CERT1: variants seen among roughly 807,000 people sequenced by gnomAD.
CERT1 encodes ceramide transfer protein.
A neutral mutation model predicts 87.9 loss-of-function variants in CERT1; 31 were observed. That is an observed-to-expected ratio of 0.35 (90% CI 0.27 to 0.48). The LOEUF (loss-of-function observed/expected upper bound fraction) is 0.48. Ranked by LOEUF, CERT1 falls within the 20% of genes least tolerant of loss-of-function variation. CERT1 has a pLI of 0.99. For synonymous variants in CERT1, 289 were observed against 250.9 expected (o/e 1.15, Z -1.44); for missense variants, 487 against 758.0 (o/e 0.64, Z 4.20).
intron 2 of CERT1, among the ~76,000 whole-genome samples, chr5:75,462,539 G>T (rs772115924): frequency 1.1e-4 from 16 of 152,156 alleles, no homozygotes; most frequent in Non-Finnish European, 2.2e-4. Flanking sequence ...AACAGGCCAT[G>T]GACTGGTACT....
chr5:75,383,412 T>G (rs532460221), intron 14 of CERT1, among the ~76,000 whole-genome samples: 1 of 152,280 alleles, frequency 6.6e-6, no homozygotes, highest in African/African-American at 2.4e-5. Flanking sequence ...TTTTCCATGA[T>G]GGATTATTTT....
At chr5:75,475,035 A>G (rs1009543956) in intron 2 of CERT1, among the ~76,000 whole-genome samples, 2 of 152,088 alleles carry the variant, frequency 1.3e-5, no homozygotes, top group African/African-American at 4.8e-5. Context: ...CATACATGGT[A>G]TGATACTGGG....
intron 8 of CERT1, among the ~76,000 whole-genome samples, chr5:75,408,833 AT>A (rs1762815860): frequency 6.6e-6 from 1 of 152,198 alleles, no homozygotes; most frequent in African/African-American, 2.4e-5. Context: ...AAAATGCTCA[AT>A]TACATACATA....
rs540164024 is a variant in CERT1, at chr5:75,396,740, A to C, written c.1188+2570T>G. On this transcript the variant is annotated intron_variant, in intron 11 of 16. Transcript: ENST00000643780. ...GCGAAACTCCGTCTCAAAAAAAAAA[A>C]AAAAACAAAAAACAGAAAAGACCGA... Among the ~76,000 whole-genome samples, 97 of 142,318 alleles carry C rather than the reference A, an allele frequency of 6.8e-4. 1 individual carries two copies. The highest frequency in any genetic ancestry group is 3.7e-3 in the Middle Eastern group (1 of 270). The allele number at this position is 142,318 out of a possible 152,430, so 93.4% of individuals were successfully genotyped here. A position where few individuals can be genotyped will look rare whatever the true frequency, so the allele number is the denominator to read the frequency against.
intron 12 of CERT1, among the ~76,000 whole-genome samples, chr5:75,388,638 A>ATATATATATATC (rs1554034746): frequency 1.9e-5 from 2 of 107,568 alleles, no homozygotes; most frequent in East Asian, 2.8e-4. Context: ...ATATATATAT[A>ATATATATATATC]TATCTCACAC....
In CERT1 at chr5:75,476,013, A is replaced by T. The variant is rs547612146; in HGVS notation, c.232-16832T>A. On this transcript the variant is annotated intron_variant, in intron 2 of 16. Transcript: ENST00000643780. Reference sequence around the variant, plus strand: ...CACTCAAATGTCAGTTATATGCTTTAAAAAACCTATTTTTTATTCAATAAA... The same window carrying T: ...CACTCAAATGTCAGTTATATGCTTTTAAAAACCTATTTTTTATTCAATAAA... 7.3e-4 allele frequency among the ~76,000 whole-genome samples: 111 copies of T among 152,342 alleles called. 1 individual carries two copies. The highest frequency in any genetic ancestry group is 3.4e-3 in the Admixed American group (52 of 15,300).
intron 3 of CERT1, among the ~76,000 whole-genome samples, chr5:75,426,848 A>G (rs918726197): frequency 1.3e-5 from 2 of 152,244 alleles, no homozygotes; most frequent in African/African-American, 4.8e-5. Flanking sequence ...AAAGCTCTGA[A>G]GATGGATGAT....
chr5:75,505,958 G>A (rs757621217), intron 2 of CERT1, 24 bp downstream of exon 2: 38 of 1,596,922 alleles, frequency 2.4e-5, no homozygotes, highest in Non-Finnish European at 3.1e-5. Context: ...AATATTTGTT[G>A]AATGAAGAAG....
chr5:75,438,967 A>C (rs1561264039), intron 3 of CERT1, among the ~76,000 whole-genome samples: 1 of 151,480 alleles, frequency 6.6e-6, no homozygotes. Flanking sequence ...ACATGTTTTT[A>C]AATTAACAAT....
intron 2 of CERT1, among the ~76,000 whole-genome samples, chr5:75,488,902 C>T (rs1580843871): frequency 1.3e-5 from 2 of 151,960 alleles, no homozygotes; most frequent in East Asian, 1.9e-4. Context: ...TAAATAAAGC[C>T]TCATTAAAGA....
chr5:75,431,262 G>A (rs1362191258), intron 3 of CERT1, among the ~76,000 whole-genome samples: 1 of 152,018 alleles, frequency 6.6e-6, no homozygotes, highest in Non-Finnish European at 1.5e-5. Context: ...CCCTCTTTGT[G>A]TCCATATGTA....
In CERT1 at chr5:75,464,582, T is replaced by A. The variant is rs552045899; in HGVS notation, c.232-5401A>T. Among the ~76,000 whole-genome samples the A allele has an allele frequency of 2.0e-5, 3 of 152,002 alleles. No individual in the cohort carries two copies. The East Asian group carries it at 5.8e-4, about 29-fold the overall frequency. On this transcript the variant is annotated intron_variant, in intron 2 of 16. Coordinates refer to ENST00000643780, the MANE Select transcript of CERT1 (RefSeq NM_001379029.1). ...GGTCTGGTAAAGACTTGAGCAGTGT[T>A]TTTTGTTTGTTTTTTGGACACAGCG...
rs77516120 is a variant in CERT1, at chr5:75,427,180, C to T, written c.349-702G>A. On this transcript the variant is annotated intron_variant, in intron 3 of 16. Transcript: ENST00000643780. Reference sequence around the variant, plus strand: ...TCAGAGCATAAATTTTATATCTTACCTTCTCTAATACAAATGCAATATAAC... The same window carrying T: ...TCAGAGCATAAATTTTATATCTTACTTTCTCTAATACAAATGCAATATAAC... 4.3e-3 allele frequency among the ~76,000 whole-genome samples: 656 copies of T among 152,260 alleles called. 1 individual carries two copies. Among genetic ancestry groups the T allele is most frequent in the Middle Eastern group, 0.014 (4 of 294 alleles).
At chr5:75,379,551 GTT>G in intron 16 of CERT1, 78 bp from the exon 17 acceptor site, 1 of 1,328,764 alleles carries the variant, frequency 7.5e-7, no homozygotes, top group South Asian at 1.3e-5. Flanking sequence ...TTGTTCCCTT[GTT>G]TTTAAAATAT....
intron 2 of CERT1, among the ~76,000 whole-genome samples, chr5:75,484,789 C>A (rs1766430749): frequency 6.6e-6 from 1 of 151,730 alleles, no homozygotes; most frequent in Admixed American, 6.6e-5. Flanking sequence ...GACTTCAACA[C>A]CCCACTTTCA....
chr5:75,374,647 A>G (rs1761220577), downstream of CERT1: 1 of 647,592 alleles, frequency 1.5e-6, no homozygotes, highest in Non-Finnish European at 2.9e-6. Flanking sequence ...TTTGATGTCT[A>G]TGTGCTTCCC....
intron 7 of CERT1, 112 bp downstream of exon 7, chr5:75,416,764 T>C: frequency 2.2e-6 from 2 of 898,566 alleles, no homozygotes; most frequent in Admixed American, 2.7e-5. Context: ...TATCATCTGC[T>C]ATTTCTATCA....
chr5:75,456,664 A>T (rs1187353145), intron 3 of CERT1, among the ~76,000 whole-genome samples: 1 of 39,010 alleles, frequency 2.6e-5, no homozygotes, highest in African/African-American at 5.2e-4. Flanking sequence ...ACCTCATCTC[A>T]AAAAAAAAAA....
chr5:75,489,174 T>C (rs1766660412), intron 2 of CERT1, among the ~76,000 whole-genome samples: 2 of 152,178 alleles, frequency 1.3e-5, no homozygotes, highest in Non-Finnish European at 2.9e-5. Context: ...TAAATGGTGT[T>C]GGGAAAACTG....
Sources: allele counts gnomAD v4.1 joint callset (sites outside exome capture counted in the v4.1 genomes callset), GRCh38; gene constraint gnomAD v4.1.1; transcripts MANE v1.5; gene names NCBI Gene and HGNC (gene_info 2026-07-23, HGNC 2026-07-21).